Variants in AHI1 observed in about 807,000 individuals in gnomAD.
AHI1 encodes Abelson helper integration site 1.
Under a neutral mutation model 149.3 loss-of-function variants are expected in AHI1, and 123 were observed. The observed-to-expected ratio is 0.82, with a 90% CI of 0.71 to 0.96. The LOEUF (loss-of-function observed/expected upper bound fraction) is 0.96. Among genes scored for constraint, AHI1 ranks in the 40% least tolerant of loss-of-function variants. The pLI is 0.00. For missense variants in AHI1, 1,439 were observed against 1,422.7 expected (o/e 1.01, Z -0.18); for synonymous variants, 475 against 459.8 (o/e 1.03, Z -0.42).
At chr6:135,342,591 A>C (rs1438900126) in intron 24 of AHI1, among the ~76,000 whole-genome samples, 1 of 151,928 alleles carries the variant, frequency 6.6e-6, no homozygotes, top group Non-Finnish European at 1.5e-5. Context: ...GGCTTAACAT[A>C]TGAAAATCTA....
intron 24 of AHI1, among the ~76,000 whole-genome samples, chr6:135,352,802 G>A (rs1379015934): frequency 1.9e-5 from 2 of 103,638 alleles, no homozygotes; most frequent in Non-Finnish European, 3.9e-5. Context: ...ATAAAACCAT[G>A]TTTTGTGGGT....
intron 20 of AHI1, among the ~76,000 whole-genome samples, chr6:135,417,370 C>T (rs952148708): frequency 2.0e-5 from 3 of 151,924 alleles, no homozygotes; most frequent in Non-Finnish European, 2.9e-5. Context: ...CATACACCTA[C>T]GTAAGTAACA....
intron 20 of AHI1, among the ~76,000 whole-genome samples, chr6:135,420,969 T>A (rs7743938): frequency 0.015 from 2,288 of 152,252 alleles, 68 homozygotes; most frequent in African/African-American, 0.053. Context: ...TCCTTTCACT[T>A]GAATACTTAA....
chr6:135,303,100 C>T (rs1222725378), intron 26 of AHI1, among the ~76,000 whole-genome samples: 2 of 152,044 alleles, frequency 1.3e-5, no homozygotes, highest in Admixed American at 6.6e-5. Flanking sequence ...AATTTAAATG[C>T]AATGATAGTT....
chr6:135,384,785 T>C (rs750578881), intron 23 of AHI1, among the ~76,000 whole-genome samples: 1 of 152,100 alleles, frequency 6.6e-6, no homozygotes, highest in Non-Finnish European at 1.5e-5. Context: ...GCTGGCTAGA[T>C]GTGGTTTTTA....
intron 26 of AHI1, 200 bp downstream of exon 26, chr6:135,318,319 C>T (rs533745879): frequency 6.1e-6 from 3 of 493,868 alleles, no homozygotes; most frequent in Middle Eastern, 5.7e-4. Context: ...CTACTTTAAC[C>T]TCTCTGGGCC....
chr6:135,310,429 T>TAC (rs1785039638), intron 26 of AHI1, among the ~76,000 whole-genome samples: 1 of 152,210 alleles, frequency 6.6e-6, no homozygotes, highest in African/African-American at 2.4e-5. Flanking sequence ...GAAGAGGAAC[T>TAC]ACCATGAAGT....
At chr6:135,454,955 G>A (rs964369542) in intron 10 of AHI1, among the ~76,000 whole-genome samples, 19 of 151,954 alleles carry the variant, frequency 1.3e-4, no homozygotes, top group African/African-American at 4.1e-4. Context: ...ATGAATCTTC[G>A]GCACTGGTTA....
At chr6:135,490,582 C>A (rs368840462) in intron 5 of AHI1, 41 bp downstream of exon 5, 5 of 1,610,194 alleles carry the variant, frequency 3.1e-6, no homozygotes, top group Non-Finnish European at 3.4e-6. Flanking sequence ...GCATTTTATG[C>A]GCATATGTAA....
intron 20 of AHI1, among the ~76,000 whole-genome samples, 170 bp from the exon 21 acceptor site, chr6:135,411,714 C>T (rs1781621241): frequency 6.6e-6 from 1 of 152,036 alleles, no homozygotes; most frequent in Admixed American, 6.6e-5. Flanking sequence ...GCTATAAAAT[C>T]ATAAGGAAGC....
chr6:135,429,013 G>A (rs1412124938), intron 18 of AHI1, among the ~76,000 whole-genome samples: 4 of 151,600 alleles, frequency 2.6e-5, no homozygotes, highest in African/African-American at 4.8e-5. Context: ...AGAACATACT[G>A]CAAAAGAAAA....
At chr6:135,461,459 G>T (rs1583346135) in intron 8 of AHI1, among the ~76,000 whole-genome samples, 2 of 152,004 alleles carry the variant, frequency 1.3e-5, no homozygotes, top group Admixed American at 1.3e-4. Context: ...GATGTGGAGT[G>T]ACTGGAACTC....
intron 24 of AHI1, among the ~76,000 whole-genome samples, chr6:135,357,282 A>G (rs1475556429): frequency 6.6e-6 from 1 of 152,180 alleles, no homozygotes; most frequent in African/African-American, 2.4e-5. Context: ...CCTAATCCAA[A>G]AACCTGAAAT....
At chr6:135,404,157 C>A (rs1045749680) in intron 22 of AHI1, among the ~76,000 whole-genome samples, 2 of 152,032 alleles carry the variant, frequency 1.3e-5, no homozygotes, top group Admixed American at 6.6e-5. Context: ...AATGAATAGA[C>A]GTCTAATTAT....
At chr6:135,305,391 T>A (rs1243413033) in intron 26 of AHI1, among the ~76,000 whole-genome samples, 1 of 152,224 alleles carries the variant, frequency 6.6e-6, no homozygotes, top group Non-Finnish European at 1.5e-5. Flanking sequence ...CAAAACTATC[T>A]TGCAAATATG....
Position 135,367,556 on chromosome 6 carries a change from A to T in AHI1, c.3110-9369T>A, listed in dbSNP as rs557808666. ...CTGAGAGGCTTTGTTCATTAAAAAA[A>T]TTTTTTCTTTGTCTTTGTCGGCTTG... On this transcript the variant is annotated intron_variant, in intron 23 of 28. Coordinates refer to ENST00000265602, the MANE Select transcript of AHI1 (RefSeq NM_001134831.2). 7.9e-5 allele frequency among the ~76,000 whole-genome samples: 12 copies of T among 151,936 alleles called. No homozygotes were observed. In the South Asian group the frequency reaches 8.3e-4, roughly 11 times the overall value.
At position 135,438,365 on chromosome 6, in the gene AHI1, G is replaced by C. The variant is rs1011829782; in HGVS notation, c.2036+10C>G. On this transcript the variant is annotated intron_variant, in intron 15 of 28. Transcript: ENST00000265602. ...CAGCATGCACATAAGTACTTCTCAA[G>C]GATACTAACCTGGCAGTGCCATCAG... 2 of 1,577,924 alleles carry C rather than the reference G, an allele frequency of 1.3e-6. No homozygotes were observed. Among genetic ancestry groups the C allele is most frequent in the Non-Finnish European group, 1.7e-6 (2 of 1,159,848 alleles).
intron 24 of AHI1, among the ~76,000 whole-genome samples, chr6:135,350,710 G>A (rs1318834480): frequency 1.3e-5 from 2 of 152,124 alleles, no homozygotes; most frequent in African/African-American, 4.8e-5. Context: ...GGCCTATTAT[G>A]CAAAAGGTTG....
At chr6:135,459,619 C>A (rs1367842835) in intron 8 of AHI1, among the ~76,000 whole-genome samples, 1 of 150,912 alleles carries the variant, frequency 6.6e-6, no homozygotes, top group Non-Finnish European at 1.5e-5. Flanking sequence ...TGAGAGAAAA[C>A]AAACTGCCAA....
Sources: gnomAD v4.1 joint callset for allele counts (sites outside exome capture counted in the v4.1 genomes callset) on GRCh38, gnomAD v4.1.1 for gene constraint, MANE v1.5 for transcripts, NCBI Gene and HGNC (gene_info 2026-07-23, HGNC 2026-07-21) for gene names.